The following ARL15 variants were observed in gnomAD, a reference collection of about 807,000 sequenced individuals.
ARL15 encodes the protein ADP-ribosylation factor-like protein 15.
In ARL15, 19 loss-of-function variants were observed where a neutral mutation model predicts 25.2. The observed-to-expected ratio is 0.75, with a 90% CI of 0.53 to 1.10. The LOEUF is 1.10. Among genes scored for constraint, ARL15 ranks in the 50% least tolerant of loss-of-function variants. The probability of loss-of-function intolerance (pLI) is 0.00; values close to 1 mark genes in which losing one functional copy is unlikely to be tolerated. For missense variants in ARL15, 220 were observed against 246.0 expected, an observed-to-expected ratio of 0.89 and a Z score of 0.71; for synonymous variants, 94 against 86.8, an observed-to-expected ratio of 1.08 and a Z score of -0.46.
chr5:54,255,001 T>C (rs987157602), intron 1 of ARL15, among the ~76,000 whole-genome samples: 1 of 152,208 alleles, frequency 6.6e-6, no homozygotes, highest in Non-Finnish European at 1.5e-5. Flanking sequence ...TGTTTTTCTA[T>C]CACGCCTGTT....
chr5:53,937,924 T>C (rs1385104016), intron 4 of ARL15, among the ~76,000 whole-genome samples: 4 of 152,020 alleles, frequency 2.6e-5, no homozygotes, highest in African/African-American at 9.7e-5. Context: ...TTAACCATAA[T>C]ATCATCACCA....
At chr5:53,899,014 T>C (rs72763130) in intron 4 of ARL15, among the ~76,000 whole-genome samples, 13,279 of 152,116 alleles carry the variant, frequency 0.087, 720 homozygotes, top group Non-Finnish European at 0.13. Context: ...TTTTAGAAAT[T>C]TAAGTTTCCC....
At chr5:54,298,000 C>A (rs1340217681) in intron 1 of ARL15, among the ~76,000 whole-genome samples, 1 of 152,168 alleles carries the variant, frequency 6.6e-6, no homozygotes, top group African/African-American at 2.4e-5. Context: ...CCAGGATGGT[C>A]TCGATCTCCT....
At chr5:54,274,829 G>A (rs1016709223) in intron 1 of ARL15, among the ~76,000 whole-genome samples, 1 of 152,080 alleles carries the variant, frequency 6.6e-6, no homozygotes, top group Non-Finnish European at 1.5e-5. Flanking sequence ...GGGAGGCAGG[G>A]GTTGCAGTGA....
At position 54,056,927 on chromosome 5, in the gene ARL15, T is replaced by C. The variant is rs1265061748; in HGVS notation, c.462+56275A>G. On this transcript the variant is annotated intron_variant, in intron 4 of 4. Coordinates refer to ENST00000504924, the MANE Select transcript of ARL15 (RefSeq NM_019087.3). Reference sequence around the variant, plus strand: ...TGAATTAAATGAGAAACTACTCATGTAGTAGGTTTGTGTCATGAACACAAA... The same window carrying C: ...TGAATTAAATGAGAAACTACTCATGCAGTAGGTTTGTGTCATGAACACAAA... 2.1e-4 allele frequency among the ~76,000 whole-genome samples: 32 copies of C among 152,168 alleles called. 1 individual carries two copies. The highest frequency in any genetic ancestry group is 2.1e-3 in the Admixed American group (32 of 15,276).
chr5:54,204,671 T>A (rs1306688917), intron 1 of ARL15, among the ~76,000 whole-genome samples: 1 of 152,202 alleles, frequency 6.6e-6, no homozygotes, highest in Non-Finnish European at 1.5e-5. Flanking sequence ...CCTCTTTACA[T>A]TTCAGTGCAG....
At chr5:54,109,777 T>C (rs1752689251) in intron 4 of ARL15, among the ~76,000 whole-genome samples, 1 of 151,914 alleles carries the variant, frequency 6.6e-6, no homozygotes, top group Non-Finnish European at 1.5e-5. Flanking sequence ...TAATAATAAA[T>C]TTTTCTCGAA....
At chr5:54,271,952 GTTTTT>G (rs202098430) in intron 1 of ARL15, among the ~76,000 whole-genome samples, 5 of 140,724 alleles carry the variant, frequency 3.6e-5, no homozygotes, top group Non-Finnish European at 6.2e-5. Context: ...ATTTAAATTG[GTTTTT>G]TTAAGACACA....
At chr5:53,951,484 T>G in intron 4 of ARL15, 1 of 470,582 alleles carries the variant, frequency 2.1e-6, no homozygotes, top group Non-Finnish European at 4.4e-6. Context: ...AACAGATATT[T>G]TGTGGACTGG....
intron 4 of ARL15, among the ~76,000 whole-genome samples, chr5:53,983,927 C>T (rs560001063): frequency 1.9e-4 from 29 of 152,274 alleles, no homozygotes; most frequent in African/African-American, 6.5e-4. Flanking sequence ...AGCCCGCACT[C>T]CCGCAGTCGT....
At chr5:54,154,358 T>C (rs1754157068) in intron 3 of ARL15, 3 of 406,536 alleles carry the variant, frequency 7.4e-6, no homozygotes, top group Non-Finnish European at 1.3e-5. Context: ...GTGTAATTCT[T>C]TGATTCATTC....
chr5:54,291,286 T>C (rs893489068), intron 1 of ARL15, among the ~76,000 whole-genome samples: 1 of 152,168 alleles, frequency 6.6e-6, no homozygotes, highest in Non-Finnish European at 1.5e-5. Flanking sequence ...CCATGGGGGA[T>C]TGGCTCCAGG....
At chr5:54,005,505 T>C (rs1272219967) in intron 4 of ARL15, among the ~76,000 whole-genome samples, 2 of 151,568 alleles carry the variant, frequency 1.3e-5, no homozygotes, top group Non-Finnish European at 2.9e-5. Flanking sequence ...GTGGATCACC[T>C]GAGGTCAGGA....
At chr5:53,905,399 T>C (rs1353039003) in intron 4 of ARL15, among the ~76,000 whole-genome samples, 1 of 152,210 alleles carries the variant, frequency 6.6e-6, no homozygotes, top group Non-Finnish European at 1.5e-5. Context: ...ACTGAAAACC[T>C]TGTTATTAAA....
chr5:54,044,905 TC>T (rs1750459442), intron 4 of ARL15, among the ~76,000 whole-genome samples: 1 of 152,224 alleles, frequency 6.6e-6, no homozygotes, highest in Non-Finnish European at 1.5e-5. Flanking sequence ...ATTTAAGATT[TC>T]CCTATTGGTT....
intron 1 of ARL15, among the ~76,000 whole-genome samples, chr5:54,172,478 T>C (rs1430812345): frequency 6.6e-6 from 1 of 152,066 alleles, no homozygotes; most frequent in African/African-American, 2.4e-5. Flanking sequence ...GAATATAGAC[T>C]GCATATTAGA....
chr5:54,031,843 AT>A (rs1464829827), intron 4 of ARL15, among the ~76,000 whole-genome samples: 1 of 152,122 alleles, frequency 6.6e-6, no homozygotes, highest in African/African-American at 2.4e-5. Flanking sequence ...CACACACTAG[AT>A]TTGTGATATC....
At chr5:54,212,323 A>T (rs1250154022) in intron 1 of ARL15, among the ~76,000 whole-genome samples, 1 of 152,188 alleles carries the variant, frequency 6.6e-6, no homozygotes, top group Non-Finnish European at 1.5e-5. Flanking sequence ...TCAGCTCCAG[A>T]TGTCACATTT....
At chr5:54,271,459 C>T (rs907752367) in intron 1 of ARL15, among the ~76,000 whole-genome samples, 2 of 152,108 alleles carry the variant, frequency 1.3e-5, no homozygotes, top group Non-Finnish European at 2.9e-5. Flanking sequence ...AATACAAATG[C>T]TATGTAAATA....
Sources: allele counts gnomAD v4.1 joint callset (sites outside exome capture counted in the v4.1 genomes callset), GRCh38; gene constraint gnomAD v4.1.1; transcripts MANE v1.5; gene names NCBI Gene and HGNC (gene_info 2026-07-23, HGNC 2026-07-21).